NETO2: variants seen among roughly 807,000 people sequenced by gnomAD.
NETO2 encodes neuropilin and tolloid like 2.
NETO2 carries 28 observed loss-of-function variants against 62.5 expected under a neutral mutation model. The ratio of observed to expected loss-of-function variants is 0.45; its 90% CI spans 0.33 to 0.61. NETO2 has a LOEUF of 0.61. Ranked by LOEUF, NETO2 falls within the 20% of genes least tolerant of loss-of-function variation. The pLI, the probability that NETO2 is intolerant of heterozygous loss-of-function variation, is 0.02. For synonymous variants in NETO2, 214 were observed against 219.1 expected (o/e 0.98, Z 0.21); for missense variants, 548 against 643.2 (o/e 0.85, Z 1.60).
At chr16:47,087,710 G>A (rs1200885214) in intron 7 of NETO2, among the ~76,000 whole-genome samples, 1 of 152,116 alleles carries the variant, frequency 6.6e-6, no homozygotes, top group Non-Finnish European at 1.5e-5. Context: ...TTTCCTACTT[G>A]TATAAATTGT....
chr16:47,093,021 G>A (rs976487703), intron 7 of NETO2, among the ~76,000 whole-genome samples: 1 of 152,116 alleles, frequency 6.6e-6, no homozygotes, highest in Non-Finnish European at 1.5e-5. Context: ...AGACCTCCAT[G>A]GCTTCCCGCT....
Position 47,083,250 on chromosome 16 carries a change from C to T in NETO2, c.1549G>A (p.Ala517Thr). ...AAGTCAATGGATATGGATGCTTGTG[C>T]AGAATCTTCTCGCCCCCTGACATAA... ...EIYVRGREDS[A>T]QASISIDF Residue 517 changes from alanine to threonine, a missense_variant, in exon 9 of 9, where the codon GCA becomes ACA. Ala to Thr is a moderately conservative substitution (Grantham distance 58). Transcript: ENST00000562435. 3.1e-6 allele frequency: 5 copies of T among 1,613,098 alleles called. No homozygotes were observed. The highest frequency in any genetic ancestry group is 4.2e-6 in the Non-Finnish European group (5 of 1,179,304).
intron 7 of NETO2, among the ~76,000 whole-genome samples, chr16:47,090,042 C>G (rs1294463306): frequency 6.6e-6 from 1 of 152,026 alleles, no homozygotes; most frequent in African/African-American, 2.4e-5. Context: ...ACTGTGGGTC[C>G]TTGACATTCG....
rs918750034 is a variant in NETO2, at chr16:47,115,714, C to CATAT, written c.655-6007_655-6004dup. Among the ~76,000 whole-genome samples, 348 of 128,394 alleles carry CATAT rather than the reference C, an allele frequency of 2.7e-3. 2 individuals are homozygous for CATAT. The highest frequency in any genetic ancestry group is 3.7e-3 in the Non-Finnish European group (235 of 63,868). The allele number at this position is 128,394 out of a possible 152,430, so 84.2% of individuals were successfully genotyped here. A position where few individuals can be genotyped will look rare whatever the true frequency, so the allele number is the denominator to read the frequency against. Reference sequence around the variant, plus strand: ...GCTAATTTTTATATATATATATATACATATATATATATATATACATGTATA... The same window carrying CATAT: ...GCTAATTTTTATATATATATATATACATATATATATATATATATATACATGTATA... On this transcript the variant is annotated intron_variant, in intron 6 of 8. Transcript: ENST00000562435.
chr16:47,116,934 T>C (rs563091147), intron 6 of NETO2, among the ~76,000 whole-genome samples: 5 of 152,294 alleles, frequency 3.3e-5, no homozygotes, highest in Non-Finnish European at 4.4e-5. Flanking sequence ...CCTTTTAATA[T>C]TGGTAGGGTC....
At chr16:47,140,170 T>C (rs1964434080) in intron 1 of NETO2, among the ~76,000 whole-genome samples, 1 of 152,058 alleles carries the variant, frequency 6.6e-6, no homozygotes, top group Non-Finnish European at 1.5e-5. Context: ...CTCTGTTCTG[T>C]TGTCCTTTTT....
At chr16:47,114,258 A>G (rs999244974) in intron 6 of NETO2, among the ~76,000 whole-genome samples, 1 of 151,712 alleles carries the variant, frequency 6.6e-6, no homozygotes, top group Non-Finnish European at 1.5e-5. Context: ...GTGGTGAAGT[A>G]TCTGTTGAAA....
chr16:47,116,772 C>T (rs971725970), intron 6 of NETO2, among the ~76,000 whole-genome samples: 6 of 152,224 alleles, frequency 3.9e-5, no homozygotes, highest in East Asian at 1.9e-4. Context: ...AAGGTGTTTA[C>T]GAATTCATTT....
At chr16:47,132,270 G>A (rs1964281579) in intron 1 of NETO2, among the ~76,000 whole-genome samples, 1 of 151,394 alleles carries the variant, frequency 6.6e-6, no homozygotes, top group East Asian at 1.9e-4. Context: ...ACATGGCATT[G>A]AAAGCATTTT....
At chr16:47,127,413 G>T (rs1964178237) in intron 4 of NETO2, among the ~76,000 whole-genome samples, 1 of 152,100 alleles carries the variant, frequency 6.6e-6, no homozygotes, top group Admixed American at 6.6e-5. Context: ...GAGTAGTAGG[G>T]TGCACTTATA....
chr16:47,097,682 A>G (rs534015575), intron 7 of NETO2, among the ~76,000 whole-genome samples: 3 of 152,334 alleles, frequency 2.0e-5, no homozygotes, highest in Middle Eastern at 3.4e-3. Context: ...CCTAAGGGAC[A>G]TACTGCCTCC....
chr16:47,139,272 T>C (rs746439228), intron 1 of NETO2, among the ~76,000 whole-genome samples: 1 of 152,184 alleles, frequency 6.6e-6, no homozygotes, highest in Non-Finnish European at 1.5e-5. Context: ...GGCACACATC[T>C]TGGATGAACA....
intron 4 of NETO2, among the ~76,000 whole-genome samples, chr16:47,124,983 G>C (rs1398573816): frequency 6.6e-6 from 1 of 151,926 alleles, no homozygotes; most frequent in Non-Finnish European, 1.5e-5. Context: ...AACATGAATA[G>C]AGGAAAAAGA....
In NETO2 at chr16:47,077,956, G is replaced by C. The variant is rs1277026294; in HGVS notation, c.*5265C>G. 6.6e-6 allele frequency: 1 copy of C among 152,128 alleles called. No individual in the cohort carries two copies. Among genetic ancestry groups the C allele is most frequent in the Non-Finnish European group, 1.5e-5 (1 of 68,030 alleles). The allele number at this position is 152,128 out of a possible 1,614,324, so 9.4% of individuals were successfully genotyped here. A position where few individuals can be genotyped will look rare whatever the true frequency, so the allele number is the denominator to read the frequency against. On this transcript the variant is annotated 3_prime_UTR_variant, in exon 9 of 9. Coordinates refer to ENST00000562435, the MANE Select transcript of NETO2 (RefSeq NM_018092.5). Reference sequence around the variant, plus strand: ...ATCCATGTTTCTAAGCTGTGTTATGGCTGGTGCACTGTGCACCCCGAAAGA... The same window carrying C: ...ATCCATGTTTCTAAGCTGTGTTATGCCTGGTGCACTGTGCACCCCGAAAGA...
chr16:47,081,466 T>C lies in NETO2; in HGVS notation c.*1755A>G, dbSNP rs567010732. 6.6e-6 allele frequency: 1 copy of C among 152,602 alleles called. No individual in the cohort carries two copies. Among genetic ancestry groups the C allele is most frequent in the South Asian group, 2.1e-4 (1 of 4,824 alleles). 9.5% of individuals were successfully genotyped at this position (152,602 alleles called of 1,614,324 possible). On this transcript the variant is annotated 3_prime_UTR_variant, in exon 9 of 9. Transcript: ENST00000562435. ...AAATCATGAATACATTATGTATAGG[T>C]TTTTCTGTCTCCTAAATATTATCTA...
intron 7 of NETO2, among the ~76,000 whole-genome samples, chr16:47,107,773 T>A (rs1045840376): frequency 1.3e-5 from 2 of 152,184 alleles, no homozygotes; most frequent in African/African-American, 2.4e-5. Flanking sequence ...GTTAGTATCA[T>A]AGAAAACAAT....
chr16:47,113,767 A>G (rs1409515102), intron 6 of NETO2, among the ~76,000 whole-genome samples: 1 of 151,024 alleles, frequency 6.6e-6, no homozygotes, highest in East Asian at 2.0e-4. Context: ...AATTTTTTGT[A>G]TTTTCAGTAG....
At chr16:47,119,818 C>A (rs1303884634) in intron 6 of NETO2, among the ~76,000 whole-genome samples, 1 of 152,014 alleles carries the variant, frequency 6.6e-6, no homozygotes, top group African/African-American at 2.4e-5. Context: ...TTAAAGTAAT[C>A]TTTGGTTGCT....
intron 1 of NETO2, among the ~76,000 whole-genome samples, chr16:47,136,959 G>C (rs1030751279): frequency 6.6e-6 from 1 of 151,896 alleles, no homozygotes; most frequent in Admixed American, 6.6e-5. Flanking sequence ...AAAAAGATTA[G>C]ACCATCATAA....
Sources: allele counts gnomAD v4.1 joint callset (sites outside exome capture counted in the v4.1 genomes callset), GRCh38; gene constraint gnomAD v4.1.1; transcripts MANE v1.5; gene names NCBI Gene and HGNC (gene_info 2026-07-23, HGNC 2026-07-21).